The following STK3 variants were observed in gnomAD, a reference collection of about 807,000 sequenced individuals.
STK3 encodes serine/threonine-protein kinase 3.
STK3 carries 41 observed loss-of-function variants against 58.0 expected under a neutral mutation model. The observed-to-expected ratio is 0.71, with a 90% confidence interval of 0.55 to 0.92. STK3 has a LOEUF of 0.92. Ranked by LOEUF, STK3 falls within the 40% of genes least tolerant of loss-of-function variation. The pLI is 0.00. For missense variants in STK3, 479 were observed against 602.7 expected (o/e 0.79, Z 2.15); for synonymous variants, 170 against 191.0 (o/e 0.89, Z 0.91).
At position 98,552,939 on chromosome 8, in the gene STK3, T is replaced by C. The variant is rs568505184; in HGVS notation, c.949-4778A>G. Among the ~76,000 whole-genome samples the C allele has an allele frequency of 7.2e-5, 11 of 152,276 alleles. No individual in the cohort carries two copies. In the East Asian group the frequency reaches 2.1e-3, roughly 29 times the overall value. On this transcript the variant is annotated intron_variant, in intron 8 of 10. Transcript: ENST00000419617. ...AAGATAGTTTAATTCCATTTCAGTT[T>C]TTAGGGAGTTTGAGATCTAAGGGAA...
intron 3 of STK3, among the ~76,000 whole-genome samples, chr8:98,421,044 C>A (rs1287772581): frequency 6.6e-6 from 1 of 152,220 alleles, no homozygotes; most frequent in Non-Finnish European, 1.5e-5. Flanking sequence ...TCTCTGCCAT[C>A]TTCATCTTCC....
At chr8:98,427,708 G>A (rs1031828767) in intron 3 of STK3, 13 of 281,538 alleles carry the variant, frequency 4.6e-5, no homozygotes, top group Non-Finnish European at 6.3e-5. Flanking sequence ...ACGCGACCCC[G>A]CACGCGCAAA....
intron 6 of STK3, among the ~76,000 whole-genome samples, chr8:98,695,864 T>C (rs1028072331): frequency 6.6e-5 from 10 of 152,194 alleles, no homozygotes; most frequent in African/African-American, 1.9e-4. Flanking sequence ...TTGGGTTCCA[T>C]ATGAACTTTA....
At chr8:98,741,755 C>T in intron 4 of STK3, among the ~76,000 whole-genome samples, 1 of 152,074 alleles carries the variant, frequency 6.6e-6, no homozygotes, top group East Asian at 1.9e-4. Context: ...CGAACCAGAA[C>T]TGAAGGAAAT....
In STK3 at chr8:98,428,367, C is replaced by T; in HGVS notation, n.483+5760G>A. On this transcript the variant is annotated intron_variant and non_coding_transcript_variant, in intron 3 of 3. Coordinates refer to the STK3 transcript ENST00000517832. This position sits in a 1 kb window ranked among gnomAD's most constrained non-coding sequence, Gnocchi z 6.7. ...CAGCTACCATGGCCGCAAAGTAGAG[C>T]CCGAGCAGGAGAAGTGGGACGAGCA... 6.2e-7 allele frequency: 1 copy of T among 1,614,164 alleles called. No individual in the cohort carries two copies.
chr8:98,413,140 A>C (rs543354043), intron 3 of STK3, among the ~76,000 whole-genome samples: 26 of 152,274 alleles, frequency 1.7e-4, no homozygotes, highest in African/African-American at 6.0e-4. Context: ...CAGCTTCCCA[A>C]GTAGCTGGGA....
chr8:98,363,607 G>GA, the STK3 span, among the ~76,000 whole-genome samples: 1 of 152,218 alleles, frequency 6.6e-6, no homozygotes, highest in Non-Finnish European at 1.5e-5. Flanking sequence ...AAAGAAAAAA[G>GA]AAAAAAGCCA....
At chr8:98,607,228 A>C (rs889208742) in intron 6 of STK3, among the ~76,000 whole-genome samples, 1 of 152,236 alleles carries the variant, frequency 6.6e-6, no homozygotes, top group African/African-American at 2.4e-5. Flanking sequence ...GCTTTTCTCT[A>C]CAGTTGTGGT....
chr8:98,389,831 A>G (rs1288215253), upstream of STK3, among the ~76,000 whole-genome samples: 1 of 151,472 alleles, frequency 6.6e-6, no homozygotes, highest in African/African-American at 2.4e-5. Context: ...AGGAAGAGGA[A>G]TTGTTGCCTC....
chr8:98,819,519 C>G (rs1834757112), intron 1 of STK3, among the ~76,000 whole-genome samples: 1 of 152,142 alleles, frequency 6.6e-6, no homozygotes, highest in Non-Finnish European at 1.5e-5. Flanking sequence ...CTAAATTAAC[C>G]AAGAAAAGCC....
At chr8:98,851,154 G>C (rs1836454235) in intron 3 of STK3, among the ~76,000 whole-genome samples, 1 of 152,104 alleles carries the variant, frequency 6.6e-6, no homozygotes, top group African/African-American at 2.4e-5. Flanking sequence ...TTCTAGGGAA[G>C]CAACACCCCC....
chr8:98,697,672 G>C (rs570266116), intron 6 of STK3, among the ~76,000 whole-genome samples: 1 of 152,204 alleles, frequency 6.6e-6, no homozygotes, highest in Non-Finnish European at 1.5e-5. Context: ...GTGGTTTTGA[G>C]TGAGTTTCTT....
In STK3 at chr8:98,830,969, C is replaced by CAA. The variant is rs760622434; in HGVS notation, c.110+52676_110+52677dup. On this transcript the variant is annotated intron_variant, in intron 3 of 12. Transcript: ENST00000523601. The stretch of plus-strand genomic sequence containing the variant: ...TGGGCGACAGAGCAAGACTCTGTCT[C>CAA]AAAAAAAAAAAAAAAAAAAAAAGGA... Among the ~76,000 whole-genome samples, 499 of 58,686 alleles carry CAA rather than the reference C, an allele frequency of 8.5e-3. 5 individuals carry two copies. The highest frequency in any genetic ancestry group is 0.01 in the Non-Finnish European group (322 of 31,812). 38.5% of individuals were successfully genotyped at this position (58,686 alleles called of 152,430 possible). A position where few individuals can be genotyped will look rare whatever the true frequency, so the allele number is the denominator to read the frequency against.
intron 10 of STK3, among the ~76,000 whole-genome samples, chr8:98,470,953 A>T (rs1820873625): frequency 6.6e-6 from 1 of 152,220 alleles, no homozygotes; most frequent in Non-Finnish European, 1.5e-5. Flanking sequence ...GAAGCAGTAC[A>T]ACAGAATAAA....
rs150277726 is a variant in STK3 at position 98,678,645 on chromosome 8, T to C, written c.684+27822A>G. ...TGGGAAAGTGATCAAGATGTAGTGA[T>C]AGAGGAAAAAAAGAAAGTTATAAAA... On this transcript the variant is annotated intron_variant, in intron 6 of 10. Transcript: ENST00000419617. Among the ~76,000 whole-genome samples the C allele has an allele frequency of 2.5e-4, 38 of 152,232 alleles. No individual in the cohort carries two copies. In the East Asian group the frequency reaches 6.0e-3, roughly 24 times the overall value.
chr8:98,905,095 A>G, intron 1 of STK3: 5 of 1,412,396 alleles, frequency 3.5e-6, no homozygotes, highest in East Asian at 2.3e-5. Flanking sequence ...TGTTCATTAC[A>G]CTGCTCAGTA....
intron 3 of STK3, among the ~76,000 whole-genome samples, chr8:98,833,468 A>T (rs1027246050): frequency 6.6e-6 from 1 of 152,220 alleles, no homozygotes; most frequent in African/African-American, 2.4e-5. Flanking sequence ...AGGAAAAGAT[A>T]TGGAAAGGGA....
At chr8:98,862,211 A>C (rs1836961306) in intron 3 of STK3, among the ~76,000 whole-genome samples, 1 of 152,190 alleles carries the variant, frequency 6.6e-6, no homozygotes, top group Admixed American at 6.5e-5. Flanking sequence ...TCATTCCAAA[A>C]AGGATTCTGA....
intron 10 of STK3, among the ~76,000 whole-genome samples, chr8:98,485,993 T>A (rs752253841): frequency 1.3e-5 from 2 of 152,108 alleles, no homozygotes; most frequent in Non-Finnish European, 2.9e-5. Context: ...GTTGCGTAGA[T>A]TAAGGACAGT....
Sources: gnomAD v4.1 joint callset for allele counts (sites outside exome capture counted in the v4.1 genomes callset) on GRCh38, gnomAD v4.1.1 for gene constraint, Gnocchi (gnomAD v3.1) non-coding constraint, MANE v1.5 for transcripts, NCBI Gene and HGNC (gene_info 2026-07-23, HGNC 2026-07-21) for gene names.